The following KCNAB1 variants were observed in gnomAD, a reference collection of about 807,000 sequenced individuals.
The protein encoded by KCNAB1 is voltage-gated potassium channel subunit beta-1.
Under a neutral mutation model 64.6 loss-of-function variants are expected in KCNAB1, and 35 were observed. The ratio of observed to expected loss-of-function variants is 0.54; its 90% CI spans 0.41 to 0.72. The LOEUF is 0.72. KCNAB1 is among the 30% of genes least tolerant of loss of function. The pLI is 0.00. For missense variants in KCNAB1, 401 were observed against 512.9 expected, an observed-to-expected ratio of 0.78 and a Z score of 2.11; for synonymous variants, 177 against 183.8, an observed-to-expected ratio of 0.96 and a Z score of 0.30.
At chr3:156,407,481 C>G (rs1054571440) in intron 1 of KCNAB1, among the ~76,000 whole-genome samples, 2 of 152,206 alleles carry the variant, frequency 1.3e-5, no homozygotes, top group Non-Finnish European at 2.9e-5. Context: ...CCTCATGAGT[C>G]AGGAACTTGG....
intron 1 of KCNAB1, among the ~76,000 whole-genome samples, chr3:156,185,514 T>G (rs1352781071): frequency 6.6e-6 from 1 of 152,234 alleles, no homozygotes; most frequent in East Asian, 1.9e-4. Flanking sequence ...TTATGTGGTA[T>G]GGAAGATTTC....
At chr3:156,432,251 A>G (rs1716270757) in intron 2 of KCNAB1, among the ~76,000 whole-genome samples, 1 of 152,212 alleles carries the variant, frequency 6.6e-6, no homozygotes, top group Admixed American at 6.5e-5. Context: ...GGCATGAGGT[A>G]TGCTCAGAGT....
At chr3:156,487,657 C>T (rs1271951237) in intron 8 of KCNAB1, among the ~76,000 whole-genome samples, 1 of 152,050 alleles carries the variant, frequency 6.6e-6, no homozygotes, top group Non-Finnish European at 1.5e-5. Flanking sequence ...GTGGATGGAA[C>T]AGTTTGTACA....
intron 7 of KCNAB1, among the ~76,000 whole-genome samples, chr3:156,473,362 CTGT>C (rs1198326317): frequency 1.3e-5 from 2 of 152,142 alleles, no homozygotes; most frequent in African/African-American, 4.8e-5. Context: ...TTGTGATACC[CTGT>C]TATTTGTTTA....
chr3:156,405,448 C>T (rs1011055338), intron 1 of KCNAB1, among the ~76,000 whole-genome samples: 1 of 152,164 alleles, frequency 6.6e-6, no homozygotes, highest in African/African-American at 2.4e-5. Flanking sequence ...GTGTAGTTGA[C>T]CTTAGCAACT....
At position 156,423,053 on chromosome 3, in the gene KCNAB1, T is replaced by C. The variant is rs76435008; in HGVS notation, c.319+1394T>C. Among the ~76,000 whole-genome samples the C allele has an allele frequency of 7.3e-3, 1,111 of 152,270 alleles. 13 individuals are homozygous for C. Among genetic ancestry groups the C allele is most frequent in the African/African-American group, 0.026 (1,071 of 41,548 alleles). Reference sequence around the variant, plus strand: ...GGTCATCAGTGACTTTTACAAGGTCTGTTTGGGTGGAATGGTAGAGTTTAA... The same window carrying C: ...GGTCATCAGTGACTTTTACAAGGTCCGTTTGGGTGGAATGGTAGAGTTTAA... On this transcript the variant is annotated intron_variant, in intron 2 of 13. Coordinates refer to ENST00000490337, the MANE Select transcript of KCNAB1 (RefSeq NM_172160.3).
chr3:156,425,819 C>T (rs1274943343), intron 2 of KCNAB1, among the ~76,000 whole-genome samples: 2 of 151,958 alleles, frequency 1.3e-5, no homozygotes, highest in East Asian at 1.9e-4. Flanking sequence ...ATGGAGAGTA[C>T]AGGGCAAGTG....
chr3:156,280,061 G>A (rs1467387885), intron 1 of KCNAB1, among the ~76,000 whole-genome samples: 1 of 147,386 alleles, frequency 6.8e-6, no homozygotes, highest in Non-Finnish European at 1.5e-5. Context: ...GTCCTGAATG[G>A]TAATGCCTAG....
chr3:156,202,439 G>A (rs887442206), intron 1 of KCNAB1, among the ~76,000 whole-genome samples: 8 of 152,114 alleles, frequency 5.3e-5, no homozygotes, highest in Non-Finnish European at 1.0e-4. Flanking sequence ...CACTCTCAAC[G>A]CCTTTTCTCT....
intron 1 of KCNAB1, among the ~76,000 whole-genome samples, chr3:156,147,844 A>G (rs1046393958): frequency 1.3e-5 from 2 of 151,914 alleles, no homozygotes; most frequent in Non-Finnish European, 2.9e-5. Context: ...CAAAACTAGG[A>G]CTAGAACCCC....
At chr3:156,190,958 G>C (rs1258381922) in intron 1 of KCNAB1, among the ~76,000 whole-genome samples, 1 of 152,204 alleles carries the variant, frequency 6.6e-6, no homozygotes, top group Non-Finnish European at 1.5e-5. Flanking sequence ...CTCCCAAAGT[G>C]CTGGGATTAC....
At chr3:156,139,376 A>G (rs1248534618) in intron 1 of KCNAB1, among the ~76,000 whole-genome samples, 1 of 152,148 alleles carries the variant, frequency 6.6e-6, no homozygotes, top group Non-Finnish European at 1.5e-5. Flanking sequence ...CTCATGCCCC[A>G]TGTTTTAGAA....
chr3:156,434,173 C>G (rs1716426107), intron 2 of KCNAB1, among the ~76,000 whole-genome samples: 1 of 152,172 alleles, frequency 6.6e-6, no homozygotes, highest in Non-Finnish European at 1.5e-5. Context: ...TGGTGTTTAT[C>G]TGTTGTGTGA....
intron 1 of KCNAB1, among the ~76,000 whole-genome samples, chr3:156,171,189 A>ACACG (rs1711962590): frequency 6.7e-6 from 1 of 148,228 alleles, no homozygotes; most frequent in South Asian, 2.1e-4. Context: ...AACTTCACGC[A>ACACG]CACATACACA....
At chr3:156,532,155 AT>A (rs1718743803) in intron 13 of KCNAB1, among the ~76,000 whole-genome samples, 1 of 152,154 alleles carries the variant, frequency 6.6e-6, no homozygotes, top group Non-Finnish European at 1.5e-5. Context: ...CTAGAAGCAA[AT>A]TTAGGAGGCC....
chr3:156,338,262 C>T (rs1236611663), intron 1 of KCNAB1, among the ~76,000 whole-genome samples: 1 of 141,970 alleles, frequency 7.0e-6, no homozygotes, highest in East Asian at 2.2e-4. Context: ...CCCACTTTCC[C>T]TTGGGGAGTC....
intron 2 of KCNAB1, among the ~76,000 whole-genome samples, chr3:156,422,687 C>T (rs1451720761): frequency 6.6e-6 from 1 of 152,096 alleles, no homozygotes; most frequent in Non-Finnish European, 1.5e-5. Context: ...GAAAGGAGAG[C>T]TAGATATATT....
Position 156,397,434 on chromosome 3 carries a change from T to C in KCNAB1, c.276-24182T>C, listed in dbSNP as rs568567739. ...CTGAACCGTCTGCACATTTAGTATATACTAACTGGAAGAAAGACCTCAGGA... is the reference window on the plus strand; with the variant it reads ...CTGAACCGTCTGCACATTTAGTATACACTAACTGGAAGAAAGACCTCAGGA... On this transcript the variant is annotated intron_variant, in intron 1 of 13. Coordinates refer to ENST00000490337, the MANE Select transcript of KCNAB1 (RefSeq NM_172160.3). 8.5e-5 allele frequency among the ~76,000 whole-genome samples: 13 copies of C among 152,350 alleles called. No individual in the cohort carries two copies. The South Asian group carries it at 2.3e-3, about 27-fold the overall frequency.
chr3:156,183,073 A>G (rs1052213080), intron 1 of KCNAB1, among the ~76,000 whole-genome samples: 1 of 152,182 alleles, frequency 6.6e-6, no homozygotes, highest in Admixed American at 6.5e-5. Flanking sequence ...TGATTTAAAG[A>G]GTACTTCAAA....
Sources: allele counts gnomAD v4.1 joint callset (sites outside exome capture counted in the v4.1 genomes callset), GRCh38; gene constraint gnomAD v4.1.1; transcripts MANE v1.5; gene names NCBI Gene and HGNC (gene_info 2026-07-23, HGNC 2026-07-21).